AHCYL2: variants seen among roughly 807,000 people sequenced by gnomAD.
The protein encoded by AHCYL2 is S-adenosylhomocysteine hydrolase-like protein 2.
Under a neutral mutation model 81.4 loss-of-function variants are expected in AHCYL2, and 28 were observed. The observed-to-expected ratio is 0.34, with a 90% CI of 0.25 to 0.47. AHCYL2 has a LOEUF of 0.47. Among genes scored for constraint, AHCYL2 ranks in the 20% least tolerant of loss-of-function variants. The pLI, the probability that AHCYL2 is intolerant of heterozygous loss-of-function variation, is 1.00. For synonymous variants in AHCYL2, 272 were observed against 290.2 expected (o/e 0.94, Z 0.64); for missense variants, 551 against 785.1 (o/e 0.70, Z 3.56).
At chr7:129,246,348 A>T (rs2150696682) in intron 1 of AHCYL2, among the ~76,000 whole-genome samples, 1 of 152,276 alleles carries the variant, frequency 6.6e-6, no homozygotes, top group South Asian at 2.1e-4. Flanking sequence ...GTGAGCCACC[A>T]CACCCTGCCA....
intron 1 of AHCYL2, among the ~76,000 whole-genome samples, chr7:129,331,484 G>A (rs1226348985): frequency 6.6e-6 from 1 of 152,200 alleles, no homozygotes; most frequent in East Asian, 1.9e-4. Context: ...TTGTAGAAGT[G>A]TAAAATTGAT....
At chr7:129,396,044 G>T (rs1245100912) in intron 4 of AHCYL2, among the ~76,000 whole-genome samples, 2 of 152,170 alleles carry the variant, frequency 1.3e-5, no homozygotes, top group Non-Finnish European at 2.9e-5. Flanking sequence ...ATGGGCTCAA[G>T]AAAAGTTTGG....
intron 2 of AHCYL2, among the ~76,000 whole-genome samples, chr7:129,386,787 C>A (rs1430707495): frequency 6.6e-6 from 1 of 152,170 alleles, no homozygotes. Context: ...GTCTCAACCT[C>A]TCAAATCACT....
intron 1 of AHCYL2, among the ~76,000 whole-genome samples, chr7:129,252,464 G>T (rs372653815): frequency 7.9e-5 from 12 of 152,284 alleles, no homozygotes; most frequent in East Asian, 3.9e-4. Context: ...TCTCAGAATT[G>T]TTCTTTATAT....
intron 1 of AHCYL2, among the ~76,000 whole-genome samples, chr7:129,264,837 A>G (rs1286669034): frequency 4.6e-5 from 7 of 152,250 alleles, no homozygotes; most frequent in Admixed American, 4.6e-4. Context: ...TTACTAGCAG[A>G]ACGCTAGGCA....
chr7:129,409,647 TAGAG>T, intron 11 of AHCYL2, 101 bp downstream of exon 11: 1 of 978,634 alleles, frequency 1.0e-6, no homozygotes, highest in Non-Finnish European at 1.5e-6. Flanking sequence ...CTCTAAAAGC[TAGAG>T]AGAGATAGTA....
intron 2 of AHCYL2, 39 bp from the exon 3 acceptor site, chr7:129,389,016 AT>A (rs35404531): frequency 0.41 from 536,370 of 1,293,878 alleles, 82,303 homozygotes; most frequent in East Asian, 0.62. Flanking sequence ...TAGAGGAAGC[AT>A]TTTTTTTTTT....
In AHCYL2 at chr7:129,276,610, A is replaced by G. The variant is rs545301321; in HGVS notation, c.363+51171A>G. 1.9e-3 allele frequency among the ~76,000 whole-genome samples: 281 copies of G among 151,828 alleles called. 4 individuals are homozygous for G. Among genetic ancestry groups the G allele is most frequent in the Non-Finnish European group, 2.5e-3 (168 of 67,898 alleles). On this transcript the variant is annotated intron_variant, in intron 1 of 16. Coordinates refer to ENST00000325006, the MANE Select transcript of AHCYL2 (RefSeq NM_015328.4). ...TACTAAAAGTATAAAAATGCTGTGC[A>G]TGGTGGTGGGCACCTGTAATCCCAG...
intron 1 of AHCYL2, among the ~76,000 whole-genome samples, chr7:129,255,973 A>C (rs369959469): frequency 3.9e-5 from 6 of 152,218 alleles, no homozygotes; most frequent in Middle Eastern, 3.4e-3. Context: ...CAAAAAACAA[A>C]AAAAAAAAGA....
At chr7:129,282,233 TG>T in intron 1 of AHCYL2, among the ~76,000 whole-genome samples, 1 of 152,298 alleles carries the variant, frequency 6.6e-6, no homozygotes, top group East Asian at 1.9e-4. Context: ...TTTGTTCTTA[TG>T]GTTCATTTAG....
intron 1 of AHCYL2, among the ~76,000 whole-genome samples, chr7:129,312,351 G>T (rs1470722012): frequency 2.0e-5 from 3 of 152,180 alleles, no homozygotes; most frequent in Non-Finnish European, 4.4e-5. Context: ...CTCCCAAAGT[G>T]CTGGGATTAC....
chr7:129,355,548 A>C (rs1793708824), intron 1 of AHCYL2, among the ~76,000 whole-genome samples: 1 of 152,206 alleles, frequency 6.6e-6, no homozygotes. Flanking sequence ...GTTCATGGCA[A>C]CTTTATAGAA....
At chr7:129,380,648 C>G (rs1000634729) in intron 2 of AHCYL2, among the ~76,000 whole-genome samples, 2 of 151,986 alleles carry the variant, frequency 1.3e-5, no homozygotes, top group Non-Finnish European at 2.9e-5. Flanking sequence ...TTTTACTTTC[C>G]CCCCACAGTA....
intron 1 of AHCYL2, among the ~76,000 whole-genome samples, chr7:129,366,895 G>T (rs1794142052): frequency 6.6e-6 from 1 of 152,152 alleles, no homozygotes. Context: ...ACACAGTTTG[G>T]TTTTATACAT....
chr7:129,387,574 A>G (rs1188282748), intron 2 of AHCYL2, among the ~76,000 whole-genome samples: 1 of 152,240 alleles, frequency 6.6e-6, no homozygotes, highest in East Asian at 1.9e-4. Context: ...ATAAATCTGG[A>G]TCGGGATTAG....
At chr7:129,268,420 T>C (rs1795891688) in intron 1 of AHCYL2, among the ~76,000 whole-genome samples, 2 of 152,172 alleles carry the variant, frequency 1.3e-5, no homozygotes. Context: ...TGATCTCAGC[T>C]CACCACAACC....
intron 1 of AHCYL2, among the ~76,000 whole-genome samples, chr7:129,249,474 G>A (rs191737893): frequency 0.022 from 3,377 of 151,572 alleles, 70 homozygotes; most frequent in East Asian, 0.098. Flanking sequence ...GCCGGACTGC[G>A]GACTGCAGTG....
At chr7:129,232,048 C>T (rs1395395721) in intron 1 of AHCYL2, among the ~76,000 whole-genome samples, 1 of 151,968 alleles carries the variant, frequency 6.6e-6, no homozygotes. Flanking sequence ...TTGAGTTTCT[C>T]TGAGTATAGG....
intron 1 of AHCYL2, among the ~76,000 whole-genome samples, chr7:129,254,617 A>G (rs1009034603): frequency 1.3e-5 from 2 of 152,180 alleles, no homozygotes; most frequent in African/African-American, 2.4e-5. Flanking sequence ...CCAGGTCTCA[A>G]TTTTCTCTCT....
Sources: allele counts gnomAD v4.1 joint callset (sites outside exome capture counted in the v4.1 genomes callset), GRCh38; gene constraint gnomAD v4.1.1; transcripts MANE v1.5; gene names NCBI Gene and HGNC (gene_info 2026-07-23, HGNC 2026-07-21).